GLP1R: variants seen among roughly 807,000 people sequenced by gnomAD.
GLP1R encodes glucagon like peptide 1 receptor, also known as glucagon-like peptide 1 receptor.
GLP1R carries 32 observed loss-of-function variants against 68.4 expected under a neutral mutation model. The observed-to-expected ratio is 0.47, with a 90% confidence interval of 0.35 to 0.63. The LOEUF is 0.63. GLP1R is among the 20% of genes least tolerant of loss of function. The pLI is 0.00. For synonymous variants in GLP1R, 263 were observed against 244.4 expected (o/e 1.08, Z -0.71); for missense variants, 502 against 594.9 (o/e 0.84, Z 1.62).
At chr6:39,061,743 T>C (rs906198143) in intron 3 of GLP1R, among the ~76,000 whole-genome samples, 14 of 152,234 alleles carry the variant, frequency 9.2e-5, no homozygotes, top group African/African-American at 3.4e-4. Flanking sequence ...CTTCCCATTT[T>C]ACAGATAAGG....
intron 1 of GLP1R, among the ~76,000 whole-genome samples, chr6:39,050,199 G>A (rs1202879660): frequency 1.3e-5 from 2 of 152,026 alleles, no homozygotes; most frequent in Non-Finnish European, 2.9e-5. Context: ...TCCTCACAGC[G>A]CCCCCAGCCA....
intron 1 of GLP1R, among the ~76,000 whole-genome samples, chr6:39,051,699 C>G (rs1207443982): frequency 6.6e-6 from 1 of 151,862 alleles, no homozygotes; most frequent in East Asian, 1.9e-4. Context: ...TGAGACAGAC[C>G]AGGGGGAGAA....
In GLP1R at chr6:39,089,532, T is replaced by G. The variant is rs1251317858; in HGVS notation, c.*3459T>G. Among the ~76,000 whole-genome samples the G allele has an allele frequency of 1.3e-5, 2 of 152,198 alleles. No individual in the cohort carries two copies. Among genetic ancestry groups the G allele is most frequent in the African/African-American group, 4.8e-5 (2 of 41,462 alleles). On this transcript the variant is annotated 3_prime_UTR_variant, in exon 13 of 13. Transcript: ENST00000373256. This position sits in a 1 kb window ranked among gnomAD's most constrained non-coding sequence, Gnocchi z 4.1. ...TCTCATCAGGGTTGGCTGTGTACTA[T>G]CCAGCAGCTCACAGTCAGGAGACCT...
intron 3 of GLP1R, 143 bp downstream of exon 3, chr6:39,057,722 T>C (rs1247047940): frequency 3.6e-6 from 2 of 553,746 alleles, no homozygotes; most frequent in Non-Finnish European, 6.6e-6. Context: ...GTGAGCCCCC[T>C]CCCTGACCTG....
chr6:39,073,487 A>G, intron 6 of GLP1R, 123 bp from the exon 7 acceptor site: 1 of 801,452 alleles, frequency 1.2e-6, no homozygotes. Context: ...CTAGCCAGAG[A>G]TGTGAGCTCT....
chr6:39,078,089 G>A (rs1012686094), intron 7 of GLP1R, among the ~76,000 whole-genome samples: 1 of 152,208 alleles, frequency 6.6e-6, no homozygotes, highest in South Asian at 2.1e-4. Flanking sequence ...GGAGGTGGGG[G>A]ACTGATGACT....
chr6:39,074,049 A>G (rs6458093), intron 7 of GLP1R, among the ~76,000 whole-genome samples: 75,409 of 152,026 alleles, frequency 0.5, 19,022 homozygotes, highest in Admixed American at 0.53. Flanking sequence ...ACTGGAGGTC[A>G]TGGCACTGTT....
At chr6:39,067,344 A>C (rs1349782075) in intron 5 of GLP1R, among the ~76,000 whole-genome samples, 1 of 152,260 alleles carries the variant, frequency 6.6e-6, no homozygotes, top group African/African-American at 2.4e-5. Flanking sequence ...TCTAAATAAC[A>C]GAAATATATT....
In GLP1R at chr6:39,088,438, C is replaced by T. The variant is rs1381233168; in HGVS notation, c.*2365C>T. ...CCAGCAGCTGTTTACATGCCTGATG[C>T]CTAATGCCATACGCCTGGAACTTGC... On this transcript the variant is annotated 3_prime_UTR_variant, in exon 13 of 13. Coordinates refer to ENST00000373256, the MANE Select transcript of GLP1R (RefSeq NM_002062.5). Among the ~76,000 whole-genome samples the T allele has an allele frequency of 1.3e-5, 2 of 152,186 alleles. No homozygotes were observed. The highest frequency in any genetic ancestry group is 2.9e-5 in the Non-Finnish European group (2 of 68,040).
intron 7 of GLP1R, among the ~76,000 whole-genome samples, chr6:39,075,793 T>TC (rs1174558420): frequency 1.3e-5 from 2 of 151,974 alleles, no homozygotes; most frequent in Non-Finnish European, 2.9e-5. Context: ...GTTGGAGAGG[T>TC]CCCCCAAAGG....
At chr6:39,070,318 T>C (rs1267273092) in intron 5 of GLP1R, among the ~76,000 whole-genome samples, 1 of 152,258 alleles carries the variant, frequency 6.6e-6, no homozygotes, top group African/African-American at 2.4e-5. Flanking sequence ...GTTTTGTGGA[T>C]TTTTAACCAC....
chr6:39,085,816 C>T, intron 12 of GLP1R, 90 bp from the exon 13 acceptor site: 1 of 1,205,556 alleles, frequency 8.3e-7, no homozygotes, highest in Non-Finnish European at 1.2e-6. Context: ...CAGTGGATTT[C>T]TTCCCTTCCC....
intron 7 of GLP1R, among the ~76,000 whole-genome samples, chr6:39,076,652 C>A (rs1340884018): frequency 6.6e-6 from 1 of 152,194 alleles, no homozygotes; most frequent in African/African-American, 2.4e-5. Context: ...TTCCCAAAGT[C>A]ATACGTGCAC....
Position 39,079,050 on chromosome 6 carries a change from G to T in GLP1R, c.954+24G>T. 1.2e-6 allele frequency: 2 copies of T among 1,612,208 alleles called. No individual in the cohort carries two copies. The highest frequency in any genetic ancestry group is 1.7e-6 in the Non-Finnish European group (2 of 1,178,212). On this transcript the variant is annotated intron_variant, in intron 9 of 12. Transcript: ENST00000373256. The surrounding 1 kb of genome is among the most constrained non-coding windows in gnomAD (Gnocchi z 4.5). ...GGGTGAGTGATGGTGTCAGGGATGGGAGTGGCAGCTATGATAGGGCTGGGC... is the reference window on the plus strand; with the variant it reads ...GGGTGAGTGATGGTGTCAGGGATGGTAGTGGCAGCTATGATAGGGCTGGGC...
At chr6:39,053,908 A>T (rs576861600) in intron 1 of GLP1R, among the ~76,000 whole-genome samples, 1 of 151,904 alleles carries the variant, frequency 6.6e-6, no homozygotes, top group African/African-American at 2.4e-5. Flanking sequence ...GCCCCAAAAA[A>T]TCCTCCTGAT....
In GLP1R at chr6:39,086,088, C is replaced by A; in HGVS notation, c.*15C>A. On this transcript the variant is annotated 3_prime_UTR_variant, in exon 13 of 13. Transcript: ENST00000373256. The surrounding 1 kb of genome is among the most constrained non-coding windows in gnomAD (Gnocchi z 4.5). ...CCTGCAGCTGAGACTCCAGCGCCTG[C>A]CCTCCCTGGGGTCCTTGCTGCAGGC... 1 of 1,611,788 alleles carries A rather than the reference C, an allele frequency of 6.2e-7. No homozygotes were observed. Among genetic ancestry groups the A allele is most frequent in the Non-Finnish European group, 8.5e-7 (1 of 1,178,870 alleles).
chr6:39,054,565 G>A (rs79875453), intron 1 of GLP1R, among the ~76,000 whole-genome samples: 5,088 of 150,886 alleles, frequency 0.034, 231 homozygotes, highest in East Asian at 0.19. Context: ...AGGTGACAGC[G>A]CTGCCCTGGG....
intron 3 of GLP1R, among the ~76,000 whole-genome samples, chr6:39,058,761 C>T (rs10305445): frequency 0.12 from 18,944 of 152,218 alleles, 1,375 homozygotes; most frequent in Admixed American, 0.2. Context: ...TTTATAACTA[C>T]CCTGTGGTTA....
chr6:39,068,212 T>G (rs1768567279), intron 5 of GLP1R, among the ~76,000 whole-genome samples: 1 of 152,240 alleles, frequency 6.6e-6, no homozygotes, highest in Middle Eastern at 3.2e-3. Context: ...ACATTAAATC[T>G]TAAAGCTTGA....
Sources: allele counts gnomAD v4.1 joint callset (sites outside exome capture counted in the v4.1 genomes callset), GRCh38; gene constraint gnomAD v4.1.1; non-coding constraint Gnocchi (gnomAD v3.1); transcripts MANE v1.5; gene names NCBI Gene and HGNC (gene_info 2026-07-23, HGNC 2026-07-21).